The following COTL1 variants were observed in gnomAD, a reference collection of about 807,000 sequenced individuals.
COTL1 encodes coactosin like F-actin binding protein 1, also known as coactosin-like protein.
In COTL1, 15 loss-of-function variants were observed where a neutral mutation model predicts 16.5. The observed-to-expected ratio is 0.91, with a 90% CI of 0.61 to 1.40. COTL1 has a LOEUF of 1.40. COTL1 is among the 40% of genes most tolerant of loss of function. The pLI is 0.00. For missense variants in COTL1, 220 were observed against 201.5 expected (o/e 1.09, Z -0.56); for synonymous variants, 112 against 85.3 (o/e 1.31, Z -1.73).
At position 84,592,474 on chromosome 16, in the gene COTL1, T is replaced by C. The variant is rs567369421; in HGVS notation, c.161-2212A>G. On this transcript the variant is annotated intron_variant, in intron 2 of 3. Coordinates refer to ENST00000262428, the MANE Select transcript of COTL1 (RefSeq NM_021149.5). ...GAGCGATATGTTTGCTTCTCAAACA[T>C]TGTGTGGATTTGAATCACTGGGGAA... Among the ~76,000 whole-genome samples, 6 of 152,230 alleles carry C rather than the reference T, an allele frequency of 3.9e-5. No individual in the cohort carries two copies. The South Asian group carries it at 1.0e-3, about 26-fold the overall frequency.
At chr16:84,608,786 G>A (rs1223717540) in intron 2 of COTL1, among the ~76,000 whole-genome samples, 1 of 152,148 alleles carries the variant, frequency 6.6e-6, no homozygotes, top group South Asian at 2.1e-4. Flanking sequence ...GGCGCCTGTA[G>A]TCCCTGCTAC....
chr16:84,616,772 C>T (rs1199896887), intron 2 of COTL1, among the ~76,000 whole-genome samples: 1 of 152,140 alleles, frequency 6.6e-6, no homozygotes, highest in Non-Finnish European at 1.5e-5. Context: ...GTGCCTAAGG[C>T]ACACAAATCT....
At chr16:84,573,252 C>T (rs1042866544) in intron 3 of COTL1, among the ~76,000 whole-genome samples, 19 of 152,328 alleles carry the variant, frequency 1.2e-4, no homozygotes, top group South Asian at 4.1e-4. Context: ...GTGTGCCCTC[C>T]GGGTATACGG....
intron 2 of COTL1, among the ~76,000 whole-genome samples, chr16:84,614,347 C>A (rs1019965654): frequency 3.3e-5 from 5 of 151,850 alleles, no homozygotes; most frequent in Non-Finnish European, 7.4e-5. Flanking sequence ...AGGATGAGTG[C>A]GGGGGTGGGA....
At chr16:84,609,389 C>A (rs1905274623) in intron 2 of COTL1, among the ~76,000 whole-genome samples, 1 of 152,192 alleles carries the variant, frequency 6.6e-6, no homozygotes, top group Non-Finnish European at 1.5e-5. Flanking sequence ...TGCACTAAGG[C>A]CAGTCAGTCT....
At chr16:84,599,824 C>G (rs1377867696) in intron 2 of COTL1, among the ~76,000 whole-genome samples, 2 of 152,216 alleles carry the variant, frequency 1.3e-5, no homozygotes, top group Non-Finnish European at 2.9e-5. Flanking sequence ...AGGGAGCTCC[C>G]TGGAGCGAGG....
At chr16:84,567,018 G>A (rs994603278) in intron 3 of COTL1, 63 bp from the exon 4 acceptor site, 9 of 1,190,418 alleles carry the variant, frequency 7.6e-6, no homozygotes, top group Non-Finnish European at 1.1e-5. Flanking sequence ...TGTGAGGGTG[G>A]CTCAGGCAAC....
At chr16:84,617,719 A>C in intron 1 of COTL1, 119 bp downstream of exon 1, 1 of 1,372,392 alleles carries the variant, frequency 7.3e-7, no homozygotes, top group Non-Finnish European at 1.0e-6. Context: ...CCGTCCCGGA[A>C]TAAGGCGAGG....
chr16:84,609,625 CT>C (rs1455457922), intron 2 of COTL1, among the ~76,000 whole-genome samples: 1 of 152,192 alleles, frequency 6.6e-6, no homozygotes, highest in Non-Finnish European at 1.5e-5. Flanking sequence ...TATGGTTTGG[CT>C]CTGGGTTCCC....
chr16:84,607,884 G>A (rs1597185193), intron 2 of COTL1, among the ~76,000 whole-genome samples: 1 of 152,158 alleles, frequency 6.6e-6, no homozygotes, highest in East Asian at 1.9e-4. Context: ...CAAGGGTGGA[G>A]CCCTAAGAAA....
At chr16:84,612,997 TC>T (rs1905369127) in intron 2 of COTL1, among the ~76,000 whole-genome samples, 1 of 115,692 alleles carries the variant, frequency 8.6e-6, no homozygotes, top group East Asian at 2.9e-4. Flanking sequence ...TTTCTTTCTT[TC>T]TTTCTTTCTT....
intron 3 of COTL1, among the ~76,000 whole-genome samples, chr16:84,585,717 G>C (rs1315074411): frequency 6.6e-6 from 1 of 152,170 alleles, no homozygotes; most frequent in African/African-American, 2.4e-5. Context: ...GCCGTGGAAA[G>C]ACAGCATTAT....
intron 3 of COTL1, among the ~76,000 whole-genome samples, chr16:84,587,798 T>A (rs1018542255): frequency 4.1e-5 from 6 of 146,316 alleles, no homozygotes; most frequent in South Asian, 2.3e-4. Flanking sequence ...TTATTTATTT[T>A]ATTTATTTTT....
At chr16:84,600,489 T>A (rs1905086287) in intron 2 of COTL1, among the ~76,000 whole-genome samples, 1 of 152,080 alleles carries the variant, frequency 6.6e-6, no homozygotes, top group South Asian at 2.1e-4. Context: ...ATTTTTGTAG[T>A]TTTAGTACAG....
chr16:84,595,938 T>C (rs1156884876), intron 2 of COTL1: 1 of 151,808 alleles, frequency 6.6e-6, no homozygotes, highest in East Asian at 1.9e-4. Flanking sequence ...CATGTATGTG[T>C]ATGTGTATGT....
chr16:84,582,352 C>A (rs997776094), intron 3 of COTL1, among the ~76,000 whole-genome samples: 4 of 152,120 alleles, frequency 2.6e-5, no homozygotes, highest in African/African-American at 9.7e-5. Context: ...CAATGTTGCC[C>A]AGGCTGGTTT....
At chr16:84,579,331 A>G (rs193141858) in intron 3 of COTL1, among the ~76,000 whole-genome samples, 3 of 152,310 alleles carry the variant, frequency 2.0e-5, no homozygotes, top group Non-Finnish European at 4.4e-5. Context: ...TCTATTAAAA[A>G]TACCAAATTA....
intron 2 of COTL1, among the ~76,000 whole-genome samples, chr16:84,608,995 T>C (rs1275554292): frequency 6.6e-6 from 1 of 152,230 alleles, no homozygotes; most frequent in African/African-American, 2.4e-5. Flanking sequence ...ACGGACAGAC[T>C]GTTCAGCACT....
chr16:84,610,110 G>C, intron 2 of COTL1, among the ~76,000 whole-genome samples: 1 of 152,072 alleles, frequency 6.6e-6, no homozygotes, highest in East Asian at 1.9e-4. Context: ...CTCTCCTCTT[G>C]GTCTCACAAG....
Sources: gnomAD v4.1 joint callset for allele counts (sites outside exome capture counted in the v4.1 genomes callset) on GRCh38, gnomAD v4.1.1 for gene constraint, MANE v1.5 for transcripts, NCBI Gene and HGNC (gene_info 2026-07-23, HGNC 2026-07-21) for gene names.